FAM107B: variants seen among roughly 807,000 people sequenced by gnomAD.
The protein encoded by FAM107B is family with sequence similarity 107 member B, also known as protein FAM107B.
FAM107B carries 21 observed loss-of-function variants against 31.5 expected under a neutral mutation model. The ratio of observed to expected loss-of-function variants is 0.67; its 90% CI spans 0.47 to 0.96. The LOEUF (loss-of-function observed/expected upper bound fraction) is 0.96. FAM107B is among the 40% of genes least tolerant of loss of function. The pLI is 0.00. For synonymous variants in FAM107B, 157 were observed against 141.5 expected, an observed-to-expected ratio of 1.11 and a Z score of -0.78; for missense variants, 452 against 377.1, an observed-to-expected ratio of 1.20 and a Z score of -1.64.
chr10:14,537,700 T>C (rs1217506553), intron 2 of FAM107B, among the ~76,000 whole-genome samples: 1 of 151,866 alleles, frequency 6.6e-6, no homozygotes. Context: ...TTGGGTGTGG[T>C]GGCATGCACC....
intron 1 of FAM107B, among the ~76,000 whole-genome samples, chr10:14,695,430 T>G (rs1377331244): frequency 6.6e-6 from 1 of 152,204 alleles, no homozygotes; most frequent in Non-Finnish European, 1.5e-5. Flanking sequence ...TCAGGAAGTG[T>G]TATGCCTCCA....
intron 1 of FAM107B, among the ~76,000 whole-genome samples, chr10:14,762,339 C>T (rs1833065714): frequency 6.6e-6 from 1 of 152,190 alleles, no homozygotes; most frequent in African/African-American, 2.4e-5. Flanking sequence ...GGACCCTAAT[C>T]GGGAACCTGC....
chr10:14,677,798 G>A lies in FAM107B; in HGVS notation c.412-10107C>T, dbSNP rs1011368140. On this transcript the variant is annotated intron_variant, in intron 1 of 4. Transcript: ENST00000181796. ...CCAGGAAAGTCCTGGGAAAACGGGGGCAAGTTGGTCACCCTAATTGGGGCG... is the reference window on the plus strand; with the variant it reads ...CCAGGAAAGTCCTGGGAAAACGGGGACAAGTTGGTCACCCTAATTGGGGCG... Among the ~76,000 whole-genome samples the A allele has an allele frequency of 3.2e-4, 48 of 152,310 alleles. 1 individual carries two copies. The highest frequency in any genetic ancestry group is 1.0e-3 in the African/African-American group (43 of 41,566).
chr10:14,681,929 G>T (rs1371735582), intron 1 of FAM107B, among the ~76,000 whole-genome samples: 1 of 152,190 alleles, frequency 6.6e-6, no homozygotes, highest in African/African-American at 2.4e-5. Context: ...GGGTTTGAGA[G>T]TCAATTGCGG....
chr10:14,684,218 C>T (rs931154872), intron 1 of FAM107B, among the ~76,000 whole-genome samples: 6 of 152,066 alleles, frequency 3.9e-5, no homozygotes, highest in African/African-American at 1.2e-4. Context: ...TTTAGGAGGC[C>T]GAGGCAGGTG....
At chr10:14,526,156 T>C (rs556731104) in intron 3 of FAM107B, among the ~76,000 whole-genome samples, 3 of 152,236 alleles carry the variant, frequency 2.0e-5, no homozygotes, top group African/African-American at 7.2e-5. Flanking sequence ...CAGGGAAAAT[T>C]TGATTTGAAT....
At chr10:14,631,089 T>TTA (rs940320148) in intron 2 of FAM107B, among the ~76,000 whole-genome samples, 1 of 152,184 alleles carries the variant, frequency 6.6e-6, no homozygotes, top group African/African-American at 2.4e-5. Context: ...ATTGTACTGA[T>TTA]CATTACAAAA....
chr10:14,707,146 C>A (rs556535679), intron 1 of FAM107B, among the ~76,000 whole-genome samples: 1 of 150,252 alleles, frequency 6.7e-6, no homozygotes, highest in Non-Finnish European at 1.5e-5. Context: ...AAAACAACAA[C>A]AACAAAAAAA....
At chr10:14,760,139 T>C (rs1282367145) in intron 1 of FAM107B, among the ~76,000 whole-genome samples, 1 of 152,228 alleles carries the variant, frequency 6.6e-6, no homozygotes, top group Non-Finnish European at 1.5e-5. Flanking sequence ...AGATAATTTT[T>C]TTCCCTTGAA....
chr10:14,659,679 T>G (rs17155703), intron 2 of FAM107B, among the ~76,000 whole-genome samples: 2 of 152,052 alleles, frequency 1.3e-5, no homozygotes, highest in Non-Finnish European at 2.9e-5. Context: ...TGGTGGAAAC[T>G]GCACTGTTGA....
At chr10:14,658,267 C>T (rs1431670385) in intron 2 of FAM107B, among the ~76,000 whole-genome samples, 4 of 152,226 alleles carry the variant, frequency 2.6e-5, no homozygotes, top group Admixed American at 6.5e-5. Context: ...TGAAAGTCAT[C>T]ATCTACAACC....
intron 2 of FAM107B, among the ~76,000 whole-genome samples, chr10:14,579,669 A>G (rs1279643695): frequency 6.6e-6 from 1 of 152,204 alleles, no homozygotes; most frequent in African/African-American, 2.4e-5. Flanking sequence ...TCAATACCCC[A>G]TATTAGGAGA....
chr10:14,740,898 T>C (rs2131573023), intron 1 of FAM107B, among the ~76,000 whole-genome samples: 1 of 152,340 alleles, frequency 6.6e-6, no homozygotes, highest in African/African-American at 2.4e-5. Flanking sequence ...CATCCTCTTT[T>C]TAGCTTAAGC....
At chr10:14,533,504 G>A (rs1285335087) in intron 2 of FAM107B, among the ~76,000 whole-genome samples, 3 of 152,196 alleles carry the variant, frequency 2.0e-5, no homozygotes, top group Admixed American at 6.5e-5. Context: ...CAGCGCTCAA[G>A]CCTGGGTGAC....
chr10:14,588,389 C>T (rs369733323), intron 2 of FAM107B, among the ~76,000 whole-genome samples: 2 of 152,340 alleles, frequency 1.3e-5, no homozygotes, highest in South Asian at 4.1e-4. Context: ...CAGATAGCTG[C>T]AAAGCCAACT....
At chr10:14,566,791 C>T (rs1271176669) in intron 2 of FAM107B, among the ~76,000 whole-genome samples, 4 of 152,272 alleles carry the variant, frequency 2.6e-5, no homozygotes, top group South Asian at 2.1e-4. Flanking sequence ...CTGTTTTTGT[C>T]GTAAGATAGG....
At chr10:14,521,412 A>G (rs952717190) in intron 4 of FAM107B, 106 bp from the exon 5 acceptor site, 6 of 896,992 alleles carry the variant, frequency 6.7e-6, no homozygotes, top group South Asian at 3.1e-5. Context: ...CCCACAGAAT[A>G]AATTCTCTCC....
chr10:14,691,264 G>A lies in FAM107B; in HGVS notation c.412-23573C>T, dbSNP rs368655231. ...ATCTCAGTAGCTATGGGTGAGGGAA[G>A]AATGAGAAACATGGGATCTGTACTC... On this transcript the variant is annotated intron_variant, in intron 1 of 4. Coordinates refer to ENST00000181796, the MANE Select transcript of FAM107B (RefSeq NM_031453.4). Among the ~76,000 whole-genome samples the A allele has an allele frequency of 6.6e-5, 10 of 152,286 alleles. No individual in the cohort carries two copies. In the East Asian group the frequency reaches 1.2e-3, roughly 18 times the overall value.
chr10:14,754,042 G>A (rs998237432), intron 1 of FAM107B, among the ~76,000 whole-genome samples: 1 of 151,230 alleles, frequency 6.6e-6, no homozygotes, highest in Non-Finnish European at 1.5e-5. Flanking sequence ...GGGTTCAAGC[G>A]ATTCTCCCCA....
Sources: allele counts gnomAD v4.1 joint callset (sites outside exome capture counted in the v4.1 genomes callset), GRCh38; gene constraint gnomAD v4.1.1; transcripts MANE v1.5; gene names NCBI Gene and HGNC (gene_info 2026-07-23, HGNC 2026-07-21).